Variants in HOOK3 observed in about 807,000 individuals in gnomAD.
HOOK3 encodes protein Hook homolog 3.
A neutral mutation model predicts 116.3 loss-of-function variants in HOOK3; 24 were observed. That is an observed-to-expected ratio of 0.21 (90% confidence interval 0.15 to 0.29). HOOK3 has a LOEUF of 0.29. Ranked by LOEUF, HOOK3 falls within the 10% of genes least tolerant of loss-of-function variation. HOOK3 has a pLI of 1.00. For synonymous variants in HOOK3, 275 were observed against 283.0 expected (o/e 0.97, Z 0.28); for missense variants, 632 against 830.2 (o/e 0.76, Z 2.93).
chr8:43,026,833 G>C lies in HOOK3; in HGVS notation c.*8335G>C. ...AGATGGCAGGCTGCAAAAGCATTCT[G>C]AGTTCCCCTGTAACAGATAGGTTTT... On this transcript the variant is annotated 3_prime_UTR_variant, in exon 22 of 22. Coordinates refer to ENST00000307602, the MANE Select transcript of HOOK3 (RefSeq NM_032410.4). 9.0e-6 allele frequency: 2 copies of C among 221,142 alleles called. No homozygotes were observed. The highest frequency in any genetic ancestry group is 9.1e-6 in the Non-Finnish European group (1 of 110,272). The allele number at this position is 221,142 out of a possible 1,614,324, so 13.7% of individuals were successfully genotyped here.
chr8:42,981,944 A>G (rs1051354282), intron 13 of HOOK3, among the ~76,000 whole-genome samples: 2 of 149,670 alleles, frequency 1.3e-5, no homozygotes, highest in Non-Finnish European at 3.0e-5. Flanking sequence ...AGAAATATGT[A>G]TGTTACATCT....
At position 42,990,325 on chromosome 8, in the gene HOOK3, C is replaced by CTT. The variant is rs59033055; in HGVS notation, c.1532+3566_1532+3567dup. Among the ~76,000 whole-genome samples, 83 of 37,886 alleles carry CTT rather than the reference C, an allele frequency of 2.2e-3. 29 individuals are homozygous for CTT. Among genetic ancestry groups the CTT allele is most frequent in the Non-Finnish European group, 3.5e-3 (67 of 18,934 alleles). 24.9% of individuals were successfully genotyped at this position (37,886 alleles called of 152,430 possible). A position where few individuals can be genotyped will look rare whatever the true frequency, so the allele number is the denominator to read the frequency against. On this transcript the variant is annotated intron_variant, in intron 15 of 21. Transcript: ENST00000307602. ...TTGAGAAATAAATATCTGTTTAGATCTTTTTTTTTTTTTTTTTTTTTTTTT... is the reference window on the plus strand; with the variant it reads ...TTGAGAAATAAATATCTGTTTAGATCTTTTTTTTTTTTTTTTTTTTTTTTTTT...
chr8:42,941,410 C>T (rs1215866444), intron 4 of HOOK3, among the ~76,000 whole-genome samples: 1 of 148,132 alleles, frequency 6.8e-6, no homozygotes, highest in Non-Finnish European at 1.5e-5. Context: ...CCCAGCTACT[C>T]GGGAGGCTGA....
chr8:42,956,436 A>T (rs576518150), intron 6 of HOOK3, among the ~76,000 whole-genome samples: 3 of 152,030 alleles, frequency 2.0e-5, no homozygotes, highest in Non-Finnish European at 4.4e-5. Context: ...GTAATACTAG[A>T]TTCTTATTAC....
At chr8:43,015,747 C>G (rs1444411648) in intron 21 of HOOK3, among the ~76,000 whole-genome samples, 10 of 152,022 alleles carry the variant, frequency 6.6e-5, no homozygotes, top group Non-Finnish European at 1.3e-4. Context: ...GAGACGGAGT[C>G]TCACTTTGTC....
At chr8:42,946,763 C>CTTTTTTTTTTTTTT (rs34564365) in intron 5 of HOOK3, among the ~76,000 whole-genome samples, 6 of 73,950 alleles carry the variant, frequency 8.1e-5, no homozygotes, top group Non-Finnish European at 7.4e-5. Flanking sequence ...CTCTTTCTTT[C>CTTTTTTTTTTTTTT]TTTTTTTTTT....
intron 4 of HOOK3, among the ~76,000 whole-genome samples, chr8:42,936,206 A>G (rs1043438662): frequency 2.0e-5 from 3 of 152,174 alleles, no homozygotes; most frequent in African/African-American, 7.2e-5. Context: ...TTATTGGTGT[A>G]TAGGAATGCT....
intron 3 of HOOK3, among the ~76,000 whole-genome samples, chr8:42,929,461 C>G (rs1807832281): frequency 6.6e-6 from 1 of 152,114 alleles, no homozygotes; most frequent in South Asian, 2.1e-4. Context: ...ATCAATAGAA[C>G]TATATCACAT....
chr8:43,024,033 T>G lies in HOOK3; in HGVS notation c.*5535T>G, dbSNP rs1809887408. 1 of 204,520 alleles carries G rather than the reference T, an allele frequency of 4.9e-6. No individual in the cohort carries two copies. Among genetic ancestry groups the G allele is most frequent in the Non-Finnish European group, 1.0e-5 (1 of 99,978 alleles). The allele number at this position is 204,520 out of a possible 1,614,324, so 12.7% of individuals were successfully genotyped here. The stretch of plus-strand genomic sequence containing the variant: ...ATAACTCCAGTTATCCCCAGTTGGA[T>G]CATGTGTGATTTATCTGAGAAAGCA... On this transcript the variant is annotated 3_prime_UTR_variant, in exon 22 of 22. Coordinates refer to ENST00000307602, the MANE Select transcript of HOOK3 (RefSeq NM_032410.4).
At chr8:43,012,844 C>T (rs1304624505) in intron 19 of HOOK3, among the ~76,000 whole-genome samples, 1 of 152,134 alleles carries the variant, frequency 6.6e-6, no homozygotes, top group African/African-American at 2.4e-5. Flanking sequence ...TAAAGTGATC[C>T]ACCTGCCTCA....
At chr8:42,985,218 T>C (rs980354308) in intron 14 of HOOK3, among the ~76,000 whole-genome samples, 2 of 152,176 alleles carry the variant, frequency 1.3e-5, no homozygotes, top group African/African-American at 4.8e-5. Flanking sequence ...AAATTACTTT[T>C]CTGGGAGTTT....
At chr8:42,923,312 A>AC (rs1222442144) in intron 2 of HOOK3, among the ~76,000 whole-genome samples, 1 of 152,156 alleles carries the variant, frequency 6.6e-6, no homozygotes, top group Admixed American at 6.6e-5. Context: ...CATCAGTTTC[A>AC]CCCCTAGGCA....
At chr8:42,976,134 G>A (rs1330816544) in intron 13 of HOOK3, among the ~76,000 whole-genome samples, 1 of 151,916 alleles carries the variant, frequency 6.6e-6, no homozygotes, top group Non-Finnish European at 1.5e-5. Context: ...CTACTTTGTT[G>A]TAAATTGCTT....
At chr8:42,899,709 G>A (rs1807144770) in intron 1 of HOOK3, among the ~76,000 whole-genome samples, 1 of 152,138 alleles carries the variant, frequency 6.6e-6, no homozygotes, top group African/African-American at 2.4e-5. Context: ...TTGGTTGTGT[G>A]GGGGGTTTTG....
chr8:42,929,865 C>T (rs1807841280), intron 3 of HOOK3, among the ~76,000 whole-genome samples: 1 of 152,052 alleles, frequency 6.6e-6, no homozygotes, highest in Non-Finnish European at 1.5e-5. Flanking sequence ...ATTCAGTTAC[C>T]CTCCAGTTGT....
intron 4 of HOOK3, among the ~76,000 whole-genome samples, chr8:42,940,358 C>T (rs1472907633): frequency 6.6e-6 from 1 of 152,194 alleles, no homozygotes; most frequent in African/African-American, 2.4e-5. Context: ...GGCGCGCGCC[C>T]GCAATCGCAG....
Position 43,027,929 on chromosome 8 carries a change from G to A in HOOK3, c.*9431G>A, listed in dbSNP as rs1809964045. On this transcript the variant is annotated 3_prime_UTR_variant, in exon 22 of 22. Coordinates refer to ENST00000307602, the MANE Select transcript of HOOK3 (RefSeq NM_032410.4). ...CTTTTATTGCCCAGAGAGAAAATAA[G>A]GACAAAATAAAGGCAGTGAAGTAAC... is the stretch of plus-strand genomic sequence containing the variant. 1.0e-5 allele frequency: 2 copies of A among 196,088 alleles called. No individual in the cohort carries two copies. Among genetic ancestry groups the A allele is most frequent in the Middle Eastern group, 3.6e-3 (2 of 562 alleles). The allele number at this position is 196,088 out of a possible 1,614,324, so 12.1% of individuals were successfully genotyped here.
intron 2 of HOOK3, among the ~76,000 whole-genome samples, chr8:42,917,434 T>C (rs1436495022): frequency 1.3e-5 from 2 of 152,178 alleles, no homozygotes; most frequent in Non-Finnish European, 2.9e-5. Context: ...AATCGGTTGG[T>C]TCCTCTGTGA....
At chr8:42,977,302 C>T (rs1035244519) in intron 13 of HOOK3, among the ~76,000 whole-genome samples, 1 of 152,210 alleles carries the variant, frequency 6.6e-6, no homozygotes, top group East Asian at 1.9e-4. Context: ...GGGAACCATG[C>T]TAAGGATCAA....
Sources: allele counts gnomAD v4.1 joint callset (sites outside exome capture counted in the v4.1 genomes callset), GRCh38; gene constraint gnomAD v4.1.1; transcripts MANE v1.5; gene names NCBI Gene and HGNC (gene_info 2026-07-23, HGNC 2026-07-21).